Variants in CA5A observed in about 807,000 individuals in gnomAD.
The protein encoded by CA5A is carbonic anhydrase 5A.
In CA5A, 28 loss-of-function variants were observed where a neutral mutation model predicts 37.1. That is an observed-to-expected ratio of 0.75 (90% CI 0.56 to 1.03). The LOEUF (loss-of-function observed/expected upper bound fraction) is 1.03. Ranked by LOEUF, CA5A falls within the 50% of genes least tolerant of loss-of-function variation. CA5A has a pLI of 0.00. For synonymous variants in CA5A, 171 were observed against 158.4 expected (o/e 1.08, Z -0.60); for missense variants, 444 against 399.9 (o/e 1.11, Z -0.94).
At chr16:87,913,319 T>TTTTTTTTTTG (rs2056079632) in intron 2 of CA5A, among the ~76,000 whole-genome samples, 1 of 146,466 alleles carries the variant, frequency 6.8e-6, no homozygotes, top group African/African-American at 2.5e-5. Flanking sequence ...TTTTTTTTTT[T>TTTTTTTTTTG]GAGTCAGGGG....
chr16:87,887,655 C>G (rs1215273046), downstream of CA5A: 1 of 150,838 alleles, frequency 6.6e-6, no homozygotes, highest in Non-Finnish European at 1.5e-5. Flanking sequence ...CCTCGTGATC[C>G]GCCCGCCTCG....
intron 2 of CA5A, among the ~76,000 whole-genome samples, chr16:87,914,870 A>G (rs1275742458): frequency 6.6e-6 from 1 of 152,210 alleles, no homozygotes; most frequent in Non-Finnish European, 1.5e-5. Context: ...ATGGGCACAG[A>G]GAAGTGCAGC....
chr16:87,914,637 T>C (rs2056105095), intron 2 of CA5A, among the ~76,000 whole-genome samples: 1 of 146,672 alleles, frequency 6.8e-6, no homozygotes, highest in Admixed American at 6.8e-5. Context: ...TTGCAGTGGG[T>C]GGGCATGGGG....
At chr16:87,917,118 AAAAGAAAAGAAAAG>A (rs1384550268) in intron 2 of CA5A, among the ~76,000 whole-genome samples, 5 of 76,418 alleles carry the variant, frequency 6.5e-5, no homozygotes, top group African/African-American at 2.0e-4. Context: ...AAAAAAAAAA[AAAAGAAAAGAAAAG>A]AAAGAAAAGA....
chr16:87,921,615 GT>G (rs1243020646), intron 2 of CA5A, among the ~76,000 whole-genome samples: 1 of 152,224 alleles, frequency 6.6e-6, no homozygotes, highest in Admixed American at 6.5e-5. Flanking sequence ...ACCCACTCCT[GT>G]TTCTGGACCC....
At chr16:87,935,178 A>G (rs1049677561) in intron 1 of CA5A, among the ~76,000 whole-genome samples, 1 of 152,206 alleles carries the variant, frequency 6.6e-6, no homozygotes, top group African/African-American at 2.4e-5. Context: ...CAATGGCCCA[A>G]ACATGGAATG....
chr16:87,898,596 C>T (rs2055834349), intron 5 of CA5A, among the ~76,000 whole-genome samples: 1 of 152,226 alleles, frequency 6.6e-6, no homozygotes, highest in Non-Finnish European at 1.5e-5. Flanking sequence ...GCAGCAGCAG[C>T]CTGTGCCTTC....
chr16:87,900,104 G>T (rs2055857479), intron 5 of CA5A, among the ~76,000 whole-genome samples: 1 of 152,090 alleles, frequency 6.6e-6, no homozygotes, highest in South Asian at 2.1e-4. Flanking sequence ...CCATGGAGAA[G>T]AAATGCTCCA....
At chr16:87,926,258 G>A (rs1481326998) in intron 2 of CA5A, among the ~76,000 whole-genome samples, 1 of 141,424 alleles carries the variant, frequency 7.1e-6, no homozygotes, top group African/African-American at 2.6e-5. Flanking sequence ...TGTCGGCCAG[G>A]TCACTGCCTG....
At chr16:87,890,363 C>T (rs1447217086) in intron 6 of CA5A, among the ~76,000 whole-genome samples, 2 of 152,176 alleles carry the variant, frequency 1.3e-5, no homozygotes, top group Non-Finnish European at 2.9e-5. Flanking sequence ...TCAACAAAAG[C>T]CTTCCCCGTT....
intron 2 of CA5A, among the ~76,000 whole-genome samples, chr16:87,912,453 T>A (rs1442997935): frequency 1.3e-5 from 2 of 152,222 alleles, no homozygotes; most frequent in African/African-American, 2.4e-5. Context: ...GATAAATATG[T>A]CTTAAGAACA....
intron 5 of CA5A, among the ~76,000 whole-genome samples, chr16:87,898,842 C>A (rs1400088710): frequency 6.7e-6 from 1 of 149,276 alleles, no homozygotes; most frequent in East Asian, 2.0e-4. Context: ...TCAAGCGATT[C>A]TCCTGCCTCA....
intron 2 of CA5A, among the ~76,000 whole-genome samples, chr16:87,913,249 G>A (rs8046053): frequency 0.42 from 64,162 of 151,010 alleles, 16,477 homozygotes; most frequent in African/African-American, 0.73. Context: ...AAAGTGCTGG[G>A]ATTACAGGCG....
intron 2 of CA5A, among the ~76,000 whole-genome samples, chr16:87,917,644 CAT>C (rs1283223991): frequency 6.7e-6 from 1 of 148,226 alleles, no homozygotes; most frequent in Non-Finnish European, 1.5e-5. Context: ...TGCGCACACA[CAT>C]GAACACACGT....
intron 1 of CA5A, among the ~76,000 whole-genome samples, chr16:87,928,179 T>G (rs1303772559): frequency 6.6e-6 from 1 of 152,092 alleles, no homozygotes; most frequent in Non-Finnish European, 1.5e-5. Flanking sequence ...AATGGAATAG[T>G]GCGTTTTTGA....
At chr16:87,924,307 G>A (rs1258584002) in intron 2 of CA5A, 49 of 985,288 alleles carry the variant, frequency 5.0e-5, no homozygotes, top group Non-Finnish European at 5.9e-5. Flanking sequence ...GAATGGCACT[G>A]AGCATACAGG....
At chr16:87,912,465 G>A (rs777089075) in intron 2 of CA5A, among the ~76,000 whole-genome samples, 17 of 152,208 alleles carry the variant, frequency 1.1e-4, no homozygotes, top group African/African-American at 3.6e-4. Context: ...TTAAGAACAC[G>A]TCCATAAGAA....
chr16:87,888,382 C>T (rs1306235555), intron 6 of CA5A, 110 bp from the exon 7 acceptor site: 34 of 919,018 alleles, frequency 3.7e-5, no homozygotes, highest in South Asian at 5.2e-5. Context: ...CAGGATGGCC[C>T]GAAATGATCA....
chr16:87,898,678 C>A (rs534566364), intron 5 of CA5A, among the ~76,000 whole-genome samples: 1 of 151,980 alleles, frequency 6.6e-6, no homozygotes, highest in East Asian at 1.9e-4. Flanking sequence ...TCACCAAGAA[C>A]CAGACATGCT....
Sources: gnomAD v4.1 joint callset for allele counts (sites outside exome capture counted in the v4.1 genomes callset) on GRCh38, gnomAD v4.1.1 for gene constraint, MANE v1.5 for transcripts, NCBI Gene and HGNC (gene_info 2026-07-23, HGNC 2026-07-21) for gene names.